The following NADK2 variants were observed in gnomAD, a reference collection of about 807,000 sequenced individuals.
The protein encoded by NADK2 is NAD kinase domain-containing protein 1, mitochondrial.
NADK2 carries 35 observed loss-of-function variants against 62.1 expected under a neutral mutation model. The ratio of observed to expected loss-of-function variants is 0.56; its 90% CI spans 0.43 to 0.75. The LOEUF (loss-of-function observed/expected upper bound fraction) is 0.75. NADK2 is among the 30% of genes least tolerant of loss of function. The probability of loss-of-function intolerance (pLI) is 0.00; values close to 1 mark genes in which losing one functional copy is unlikely to be tolerated. For missense variants in NADK2, 439 were observed against 561.3 expected (o/e 0.78, Z 2.20); for synonymous variants, 205 against 207.9 (o/e 0.99, Z 0.12).
intron 1 of NADK2, among the ~76,000 whole-genome samples, chr5:36,227,899 C>T (rs1328803343): frequency 6.8e-6 from 1 of 147,938 alleles, no homozygotes; most frequent in Non-Finnish European, 1.5e-5. Flanking sequence ...GGCTGGAGTG[C>T]AGTGGTGTGA....
intron 4 of NADK2, among the ~76,000 whole-genome samples, chr5:36,224,877 G>T (rs1015216643): frequency 2.6e-5 from 4 of 152,020 alleles, no homozygotes; most frequent in African/African-American, 7.2e-5. Context: ...TGTTTTTATT[G>T]GTCTTTTTAT....
intron 4 of NADK2, among the ~76,000 whole-genome samples, chr5:36,222,610 G>C (rs1172218521): frequency 6.6e-6 from 1 of 152,194 alleles, no homozygotes; most frequent in African/African-American, 2.4e-5. Flanking sequence ...TGAAGGTCAT[G>C]GGAAACTCTA....
chr5:36,219,568 C>G (rs762761961), intron 5 of NADK2, 28 bp downstream of exon 5: 2 of 1,571,722 alleles, frequency 1.3e-6, no homozygotes, highest in East Asian at 4.5e-5. Flanking sequence ...AAGATACTTA[C>G]ATAAGAACAA....
In NADK2 at chr5:36,241,856, C is replaced by T. The variant is rs1473967546; in HGVS notation, c.-58G>A. 2 of 1,178,648 alleles carry T rather than the reference C, an allele frequency of 1.7e-6. No homozygotes were observed. Among genetic ancestry groups the T allele is most frequent in the African/African-American group, 1.6e-5 (1 of 61,218 alleles). 73.0% of individuals were successfully genotyped at this position (1,178,648 alleles called of 1,614,324 possible). A position where few individuals can be genotyped will look rare whatever the true frequency, so the allele number is the denominator to read the frequency against. On this transcript the variant is annotated 5_prime_UTR_variant, in exon 1 of 12. Transcript: ENST00000381937. The surrounding 1 kb of genome is among the most constrained non-coding windows in gnomAD (Gnocchi z 4.9). ...CGGGCCCCTTGCCTCAGCTCCCTAC[C>T]GCCGGGAGTGCGCGCCGTCCGCGCC... is the stretch of plus-strand genomic sequence containing the variant.
chr5:36,203,031 AAAAG>A (rs1486960750), intron 8 of NADK2, among the ~76,000 whole-genome samples: 1 of 151,732 alleles, frequency 6.6e-6, no homozygotes. Context: ...ATCAAGAATT[AAAAG>A]AGAGAAAAAT....
At position 36,219,673 on chromosome 5, in the gene NADK2, C is replaced by T. The variant is rs1747185887; in HGVS notation, c.567G>A (p.Glu189=). 1.2e-6 allele frequency: 2 copies of T among 1,612,940 alleles called. No homozygotes were observed. Among genetic ancestry groups the T allele is most frequent in the African/African-American group, 1.3e-5 (1 of 74,822 alleles). ...ATCGAACGGGCAGGCATAAATGACC[C>T]TCAGACCTATATTTTAACAGGAATT... ...IGVNTDPERS[E]GHLCLPVRYT... The change falls in exon 5 of 12, where the codon GAG becomes GAA. Residue 189 remains glutamate (E), a synonymous_variant. Coordinates refer to ENST00000381937, the MANE Select transcript of NADK2 (RefSeq NM_001085411.3).
At chr5:36,227,802 C>A (rs1747538437) in intron 1 of NADK2, among the ~76,000 whole-genome samples, 1 of 151,278 alleles carries the variant, frequency 6.6e-6, no homozygotes, top group Non-Finnish European at 1.5e-5. Context: ...ACCAGGATCT[C>A]AAAATCTTAT....
intron 8 of NADK2, among the ~76,000 whole-genome samples, chr5:36,204,921 A>G (rs1321691359): frequency 2.6e-5 from 4 of 152,040 alleles, no homozygotes; most frequent in African/African-American, 9.7e-5. Flanking sequence ...TGTCACTCTT[A>G]TACATATTAA....
Position 36,219,655 on chromosome 5 carries a change from G to A in NADK2, c.585C>T (p.Pro195=), listed in dbSNP as rs778585579. 17 of 1,613,726 alleles carry A rather than the reference G, an allele frequency of 1.1e-5. No individual in the cohort carries two copies. The highest frequency in any genetic ancestry group is 5.5e-5 in the South Asian group (5 of 91,076). Residue 195 remains proline, a synonymous_variant, in exon 5 of 12, where the codon CCC becomes CCT. Coordinates refer to ENST00000381937, the MANE Select transcript of NADK2 (RefSeq NM_001085411.3). ...CTGGAAAGGAATGTGTATATCGAAC[G>A]GGCAGGCATAAATGACCCTCAGACC... ...PERSEGHLCL[P]VRYTHSFPEA...
intron 1 of NADK2, among the ~76,000 whole-genome samples, chr5:36,228,710 C>T (rs1747584580): frequency 6.6e-6 from 1 of 151,896 alleles, no homozygotes; most frequent in South Asian, 2.1e-4. Context: ...CCTCTGCCTC[C>T]CGGACTCAAG....
chr5:36,215,724 C>T (rs902162874), intron 6 of NADK2, among the ~76,000 whole-genome samples: 15 of 152,126 alleles, frequency 9.9e-5, no homozygotes, highest in African/African-American at 3.1e-4. Context: ...TGACTTATTT[C>T]GCTTCACATA....
At chr5:36,204,306 C>G (rs1335763469) in intron 8 of NADK2, among the ~76,000 whole-genome samples, 2 of 152,090 alleles carry the variant, frequency 1.3e-5, no homozygotes, top group East Asian at 3.8e-4. Context: ...ATTTGGCAGG[C>G]AAGGGAATTT....
At chr5:36,209,459 T>C (rs1746759828) in intron 7 of NADK2, among the ~76,000 whole-genome samples, 1 of 152,166 alleles carries the variant, frequency 6.6e-6, no homozygotes, top group African/African-American at 2.4e-5. Context: ...ATTAAATGGC[T>C]TCCCTGAAGT....
At chr5:36,212,813 G>A (rs1343214886) in intron 6 of NADK2, among the ~76,000 whole-genome samples, 1 of 152,174 alleles carries the variant, frequency 6.6e-6, no homozygotes, top group Non-Finnish European at 1.5e-5. Context: ...CAGGCTCCAA[G>A]CTGGTCCCCA....
intron 8 of NADK2, among the ~76,000 whole-genome samples, chr5:36,203,035 G>A (rs1043926676): frequency 6.7e-6 from 1 of 148,640 alleles, no homozygotes; most frequent in Non-Finnish European, 1.5e-5. Flanking sequence ...AGAATTAAAA[G>A]AGAGAAAAAT....
chr5:36,241,956 G>C (rs924184482), upstream of NADK2: 49 of 514,816 alleles, frequency 9.5e-5, no homozygotes, highest in Admixed American at 2.4e-3. This position sits in a 1 kb window ranked among gnomAD's most constrained non-coding sequence, Gnocchi z 4.9. Context: ...CGGCTAGGGG[G>C]ACGTACCCAG....
Position 36,219,996 on chromosome 5 carries a change from G to A in NADK2, c.561-317C>T, listed in dbSNP as rs541556436. Among the ~76,000 whole-genome samples the A allele has an allele frequency of 2.2e-4, 33 of 152,272 alleles. 1 individual carries two copies. In the South Asian group the frequency reaches 6.8e-3, roughly 32 times the overall value. On this transcript the variant is annotated intron_variant, in intron 4 of 11. Transcript: ENST00000381937. ...CTGTAAAGTTATTTAATGGTACAGTGTTGTTCAAATCATTATTTAACTACT... is the reference window on the plus strand; with the variant it reads ...CTGTAAAGTTATTTAATGGTACAGTATTGTTCAAATCATTATTTAACTACT...
intron 11 of NADK2, 45 bp downstream of exon 11, chr5:36,197,496 A>T: frequency 3.1e-6 from 5 of 1,610,280 alleles, no homozygotes; most frequent in Non-Finnish European, 4.2e-6. Context: ...CTTTGTAACA[A>T]TGAAAGGGAT....
chr5:36,226,668 T>G (rs1747495826), intron 2 of NADK2, 105 bp from the exon 3 acceptor site: 1 of 723,288 alleles, frequency 1.4e-6, no homozygotes, highest in South Asian at 2.1e-5. Context: ...GTAAAATAAA[T>G]TTGTGTCTTA....
Sources: allele counts gnomAD v4.1 joint callset (sites outside exome capture counted in the v4.1 genomes callset), GRCh38; gene constraint gnomAD v4.1.1; non-coding constraint Gnocchi (gnomAD v3.1); transcripts MANE v1.5; gene names NCBI Gene and HGNC (gene_info 2026-07-23, HGNC 2026-07-21).